The following THOC5 variants were observed in gnomAD, a reference collection of about 807,000 sequenced individuals.
THOC5 encodes THO complex subunit 5, also known as Fms-interacting protein.
A neutral mutation model predicts 92.9 loss-of-function variants in THOC5; 43 were observed. The ratio of observed to expected loss-of-function variants is 0.46; its 90% CI spans 0.36 to 0.60. The LOEUF is 0.60. Ranked by LOEUF, THOC5 falls within the 20% of genes least tolerant of loss-of-function variation. The pLI is 0.00. For missense variants in THOC5, 659 were observed against 849.4 expected, an observed-to-expected ratio of 0.78 and a Z score of 2.79; for synonymous variants, 296 against 320.1, an observed-to-expected ratio of 0.92 and a Z score of 0.80.
intron 5 of THOC5, 115 bp from the exon 6 acceptor site, chr22:29,539,591 G>GTA: frequency 1.8e-6 from 2 of 1,141,162 alleles, no homozygotes; most frequent in Non-Finnish European, 2.4e-6. Flanking sequence ...ACAGGATCCT[G>GTA]GAATCCAGTC....
intron 11 of THOC5, among the ~76,000 whole-genome samples, chr22:29,527,304 C>T (rs1601414400): frequency 6.6e-6 from 1 of 152,024 alleles, no homozygotes; most frequent in African/African-American, 2.4e-5. Context: ...CTGTAGCCCC[C>T]GCTACTTGGG....
At chr22:29,512,824 G>A (rs1486153067) in intron 17 of THOC5, among the ~76,000 whole-genome samples, 1 of 152,218 alleles carries the variant, frequency 6.6e-6, no homozygotes, top group East Asian at 1.9e-4. Flanking sequence ...TATCAAAGCT[G>A]TGTTCATAAT....
At chr22:29,513,868 TA>T (rs2063277817) in intron 17 of THOC5, 1 of 152,130 alleles carries the variant, frequency 6.6e-6, no homozygotes, top group East Asian at 1.9e-4. Context: ...AAAAATAAAA[TA>T]AAAAGTATTT....
At chr22:29,524,958 G>A (rs960724215) in intron 12 of THOC5, among the ~76,000 whole-genome samples, 7 of 152,098 alleles carry the variant, frequency 4.6e-5, no homozygotes, top group African/African-American at 9.7e-5. Flanking sequence ...CCTTCTTCCC[G>A]CCCATGTTTG....
intron 12 of THOC5, 43 bp from the exon 13 acceptor site, chr22:29,521,142 T>A (rs1412807698): frequency 6.9e-7 from 1 of 1,445,108 alleles, no homozygotes; most frequent in Non-Finnish European, 9.7e-7. Flanking sequence ...GCAGCCAACA[T>A]CTTTCTTCAA....
intron 11 of THOC5, among the ~76,000 whole-genome samples, chr22:29,526,769 T>C (rs557923235): frequency 6.6e-6 from 1 of 152,130 alleles, no homozygotes; most frequent in African/African-American, 2.4e-5. Context: ...TATGACATGA[T>C]AGCGACGACC....
At position 29,515,342 on chromosome 22, in the gene THOC5, G is replaced by A. The variant is rs986872712; in HGVS notation, c.1681+1687C>T. Among the ~76,000 whole-genome samples, 4 of 152,126 alleles carry A rather than the reference G, an allele frequency of 2.6e-5. No individual in the cohort carries two copies. The East Asian group carries it at 7.7e-4, about 29-fold the overall frequency. ...TAGGCATGAGCCACTGCGCCCGGCT[G>A]TATATTGTTTTTTAAAAACATGATG... On this transcript the variant is annotated intron_variant, in intron 17 of 19. Coordinates refer to ENST00000490103, the MANE Select transcript of THOC5 (RefSeq NM_003678.5).
chr22:29,517,356 A>G lies in THOC5; in HGVS notation c.1500T>C (p.Ile500=). The G allele has an allele frequency of 1.2e-6, 2 of 1,614,064 alleles. No homozygotes were observed. The highest frequency in any genetic ancestry group is 1.7e-5 in the Admixed American group (1 of 59,990). ...ACTGGCAATCACTGGTAACTGGCAC[A>G]ATGCCATGTTCTAAAAGAGAACAAG... ...HKQFASLEHG[I]VPVTSDCQYL... Residue 500 remains isoleucine (I), a synonymous_variant, in exon 16 of 20, where the codon ATT becomes ATC. Transcript: ENST00000490103.
chr22:29,529,030 T>G, intron 9 of THOC5, 132 bp downstream of exon 9: 1 of 869,766 alleles, frequency 1.1e-6, no homozygotes, highest in Non-Finnish European at 1.9e-6. Context: ...TCCTGTCTAC[T>G]CCAGGGTGCT....
intron 14 of THOC5, among the ~76,000 whole-genome samples, chr22:29,519,634 C>CTT (rs34656123): frequency 0.043 from 6,029 of 140,874 alleles, 175 homozygotes; most frequent in Non-Finnish European, 0.072. Context: ...CATGACAGGC[C>CTT]TTTTTTTTTT....
At chr22:29,527,988 TG>T in intron 11 of THOC5, 89 bp downstream of exon 11, 1 of 1,182,088 alleles carries the variant, frequency 8.5e-7, no homozygotes, top group Non-Finnish European at 1.2e-6. Flanking sequence ...GTTGGGCAAA[TG>T]GGTGTTTGGC....
Position 29,524,585 on chromosome 22 carries a change from G to T in THOC5, c.1175+1253C>A, listed in dbSNP as rs116987585. ...TCTGGGGGCCCTGGAACTCCTCAAT[G>T]AACTGAGAGCCCTGGACAGTGTAAC... On this transcript the variant is annotated intron_variant, in intron 12 of 19. Transcript: ENST00000490103. 5.9e-4 allele frequency among the ~76,000 whole-genome samples: 90 copies of T among 152,274 alleles called. 1 individual carries two copies. The East Asian group carries it at 9.3e-3, about 16-fold the overall frequency.
chr22:29,506,157 C>T lies in THOC5; in HGVS notation c.*2300G>A, dbSNP rs2063140504. On this transcript the variant is annotated 3_prime_UTR_variant, in exon 20 of 20. Transcript: ENST00000490103. ...AAAGGCGTAAGCCACTGTGCCCAGC[C>T]CATCTTATTTTTTAAAATGAAGAAT... is the stretch of plus-strand genomic sequence containing the variant. 1 of 152,062 alleles carries T rather than the reference C, an allele frequency of 6.6e-6. No homozygotes were observed. Among genetic ancestry groups the T allele is most frequent in the African/African-American group, 2.4e-5 (1 of 41,382 alleles). 9.4% of individuals were successfully genotyped at this position (152,062 alleles called of 1,614,324 possible). A position where few individuals can be genotyped will look rare whatever the true frequency, so the allele number is the denominator to read the frequency against.
chr22:29,514,421 A>G (rs1029278530), intron 17 of THOC5, among the ~76,000 whole-genome samples: 5 of 146,296 alleles, frequency 3.4e-5, no homozygotes, highest in Non-Finnish European at 7.4e-5. Context: ...GGTTCACGCC[A>G]TTCTCCTGCC....
At chr22:29,525,105 T>G (rs1038592054) in intron 12 of THOC5, among the ~76,000 whole-genome samples, 4 of 152,044 alleles carry the variant, frequency 2.6e-5, no homozygotes, top group African/African-American at 9.7e-5. Context: ...AGACCCCGTT[T>G]CTATAAAATA....
At chr22:29,523,822 G>A (rs957787154) in intron 12 of THOC5, among the ~76,000 whole-genome samples, 2 of 152,090 alleles carry the variant, frequency 1.3e-5, no homozygotes, top group African/African-American at 4.8e-5. Context: ...AAAAAATCAG[G>A]GAAATTAGAA....
At chr22:29,549,259 C>T (rs1337106845) in intron 1 of THOC5, 101 bp from the exon 2 acceptor site, 2 of 953,950 alleles carry the variant, frequency 2.1e-6, no homozygotes, top group East Asian at 2.6e-5. Flanking sequence ...CAAGGAAAGT[C>T]ATTTAACCCC....
At chr22:29,551,383 G>A (rs1235658846) in intron 1 of THOC5, among the ~76,000 whole-genome samples, 10 of 152,050 alleles carry the variant, frequency 6.6e-5, no homozygotes, top group Admixed American at 1.3e-4. Context: ...GCAATGAGCC[G>A]AGATCGCAGC....
At position 29,518,966 on chromosome 22, in the gene THOC5, T is replaced by C. The variant is rs748441172; in HGVS notation, c.1489+40A>G. The C allele has an allele frequency of 2.4e-6, 3 of 1,275,142 alleles. No homozygotes were observed. In the South Asian group the frequency reaches 4.1e-5, roughly 17 times the overall value. 79.0% of individuals were successfully genotyped at this position (1,275,142 alleles called of 1,614,324 possible). A position where few individuals can be genotyped will look rare whatever the true frequency, so the allele number is the denominator to read the frequency against. ...CTAAGTTGTTGTTGTCCGTGTGTTG[T>C]CTGAGTGACTCTTAAACCACTGCCC... On this transcript the variant is annotated intron_variant, in intron 15 of 19. Coordinates refer to ENST00000490103, the MANE Select transcript of THOC5 (RefSeq NM_003678.5).
Sources: allele counts gnomAD v4.1 joint callset (sites outside exome capture counted in the v4.1 genomes callset), GRCh38; gene constraint gnomAD v4.1.1; transcripts MANE v1.5; gene names NCBI Gene and HGNC (gene_info 2026-07-23, HGNC 2026-07-21).